FBRSL1: variants seen among roughly 807,000 people sequenced by gnomAD.
FBRSL1 encodes fibrosin-1-like protein.
A neutral mutation model predicts 89.6 loss-of-function variants in FBRSL1; 51 were observed. The observed-to-expected ratio is 0.57, with a 90% CI of 0.45 to 0.72. The LOEUF is 0.72. FBRSL1 is among the 30% of genes least tolerant of loss of function. FBRSL1 has a pLI of 0.00. For synonymous variants in FBRSL1, 779 were observed against 681.1 expected, an observed-to-expected ratio of 1.14 and a Z score of -2.24; for missense variants, 1,618 against 1,451.8, an observed-to-expected ratio of 1.11 and a Z score of -1.86.
At chr12:132,518,108 A>G (rs1263075252) in intron 2 of FBRSL1, among the ~76,000 whole-genome samples, 1 of 152,058 alleles carries the variant, frequency 6.6e-6, no homozygotes, top group Non-Finnish European at 1.5e-5. Context: ...CCTTGCAGAC[A>G]CTTACCTGCA....
chr12:132,574,156 G>A lies in FBRSL1; in HGVS notation c.1597G>A (p.Gly533Arg). The A allele has an allele frequency of 7.0e-7, 1 of 1,419,020 alleles. No homozygotes were observed. Among genetic ancestry groups the A allele is most frequent in the Non-Finnish European group, 9.2e-7 (1 of 1,091,648 alleles). 87.9% of individuals were successfully genotyped at this position (1,419,020 alleles called of 1,614,324 possible). A position where few individuals can be genotyped will look rare whatever the true frequency, so the allele number is the denominator to read the frequency against. The stretch of plus-strand genomic sequence containing the variant: ...TCACACACTCCTGCAGAAAGCGCCT[G>A]GGGTAGGTGTTAGTGGGCGCCCGTC... ...AVHTLLQKAP[G>R]VSDPYRAVVK... The change falls in exon 12 of 19, where the codon GGG becomes AGG. Residue 533 changes from glycine (G) to arginine (R), a missense_variant and splice_region_variant. Transcript: ENST00000680143.
At chr12:132,541,289 G>C (rs1593411847) in intron 4 of FBRSL1, among the ~76,000 whole-genome samples, 1 of 152,180 alleles carries the variant, frequency 6.6e-6, no homozygotes, top group South Asian at 2.1e-4. Context: ...CACTCAGTGG[G>C]CCCCACCCAT....
intron 5 of FBRSL1, among the ~76,000 whole-genome samples, chr12:132,562,130 C>G (rs9738068): frequency 0.21 from 31,943 of 152,188 alleles, 4,265 homozygotes; most frequent in Non-Finnish European, 0.3. Context: ...CACTGCGTAG[C>G]CTGGGTCACC....
chr12:132,558,492 G>A (rs1395646517), intron 5 of FBRSL1, among the ~76,000 whole-genome samples: 1 of 152,250 alleles, frequency 6.6e-6, no homozygotes, highest in African/African-American at 2.4e-5. Context: ...ACGCAAGCGC[G>A]TGCCGTTTTC....
intron 4 of FBRSL1, among the ~76,000 whole-genome samples, chr12:132,543,423 G>A (rs2037428990): frequency 6.6e-6 from 1 of 152,226 alleles, no homozygotes; most frequent in Non-Finnish European, 1.5e-5. Context: ...ACTCTGGGCT[G>A]TGCCCAGCAT....
intron 14 of FBRSL1, among the ~76,000 whole-genome samples, chr12:132,575,633 A>AC (rs781662733): frequency 6.6e-6 from 1 of 151,998 alleles, no homozygotes; most frequent in Non-Finnish European, 1.5e-5. Context: ...GAGTCGGGAG[A>AC]CCTCATCACT....
At chr12:132,491,662 G>T (rs774314687) in intron 1 of FBRSL1, among the ~76,000 whole-genome samples, 5 of 152,232 alleles carry the variant, frequency 3.3e-5, no homozygotes, top group Non-Finnish European at 5.9e-5. Flanking sequence ...TTTTCCAGGG[G>T]CTTGGGAGCC....
intron 2 of FBRSL1, among the ~76,000 whole-genome samples, chr12:132,513,056 C>T (rs991155697): frequency 6.6e-6 from 1 of 152,218 alleles, no homozygotes; most frequent in African/African-American, 2.4e-5. Context: ...TGCCAGGCGT[C>T]GCCCTGGGAA....
intron 5 of FBRSL1, chr12:132,553,806 A>C (rs1021379638): frequency 2.0e-5 from 3 of 152,242 alleles, no homozygotes; most frequent in African/African-American, 7.2e-5. Context: ...CCGTAAACAC[A>C]GTCACTCAAA....
intron 16 of FBRSL1, 90 bp from the exon 17 acceptor site, chr12:132,581,650 GC>G: frequency 1.3e-6 from 2 of 1,490,564 alleles, no homozygotes; most frequent in South Asian, 2.4e-5. Context: ...TACCCACCAG[GC>G]CCAAAGCCTC....
In FBRSL1 at chr12:132,544,269, C is replaced by T. The variant is rs115375929; in HGVS notation, c.616-3734C>T. Among the ~76,000 whole-genome samples, 784 of 152,296 alleles carry T rather than the reference C, an allele frequency of 5.1e-3. 5 individuals are homozygous for T. Among genetic ancestry groups the T allele is most frequent in the African/African-American group, 0.018 (746 of 41,556 alleles). ...TTATTGGATGGTGAGGTCCGACAGA[C>T]TCAGAGGGGCCTTGTAGGCTGGCAG... is the stretch of plus-strand genomic sequence containing the variant. On this transcript the variant is annotated intron_variant, in intron 4 of 18. Transcript: ENST00000680143.
rs1303391938 is a variant in FBRSL1 at position 132,546,439 on chromosome 12, A to T, written c.616-1564A>T. 6.6e-6 allele frequency among the ~76,000 whole-genome samples: 1 copy of T among 151,728 alleles called. No homozygotes were observed. The highest frequency in any genetic ancestry group is 6.6e-5 in the Admixed American group (1 of 15,254). On this transcript the variant is annotated intron_variant, in intron 4 of 18. Coordinates refer to ENST00000680143, the MANE Select transcript of FBRSL1 (RefSeq NM_001367871.1). This position sits in a 1 kb window ranked among gnomAD's most constrained non-coding sequence, Gnocchi z 4.0. ...GCAGGTGGGACTGAGGCCCTTCTCTACCTCTCACCCTGAAGGCCAGACCGG... is the reference window on the plus strand; with the variant it reads ...GCAGGTGGGACTGAGGCCCTTCTCTTCCTCTCACCCTGAAGGCCAGACCGG...
At chr12:132,540,719 AG>A (rs1397216555) in intron 4 of FBRSL1, among the ~76,000 whole-genome samples, 2 of 152,118 alleles carry the variant, frequency 1.3e-5, no homozygotes, top group Non-Finnish European at 2.9e-5. Context: ...ACCAGGCTCC[AG>A]GGCAAGCCCA....
At chr12:132,529,234 G>A (rs1413407869) in intron 4 of FBRSL1, among the ~76,000 whole-genome samples, 1 of 152,212 alleles carries the variant, frequency 6.6e-6, no homozygotes, top group Non-Finnish European at 1.5e-5. Context: ...ATTAAACCAG[G>A]AATGACCCAG....
intron 5 of FBRSL1, chr12:132,566,232 TGG>T: frequency 6.6e-6 from 1 of 152,078 alleles, no homozygotes; most frequent in East Asian, 1.9e-4. Context: ...AGGGGCTAGG[TGG>T]CTCTGGGGCC....
chr12:132,525,872 G>A (rs2035749379), intron 3 of FBRSL1, 49 bp downstream of exon 3: 1 of 1,442,842 alleles, frequency 6.9e-7, no homozygotes. Flanking sequence ...TGGGCCGCCT[G>A]CCCGCTGCGC....
rs997980668 is a variant in FBRSL1 at position 132,582,749 on chromosome 12, G to A, written c.2202-222G>A. Among the ~76,000 whole-genome samples, 20 of 152,234 alleles carry A rather than the reference G, an allele frequency of 1.3e-4. 1 individual carries two copies. The highest frequency in any genetic ancestry group is 4.8e-4 in the African/African-American group (20 of 41,540). The stretch of plus-strand genomic sequence containing the variant: ...TGGGGAGCCGAAGTCGCTGCAGGCG[G>A]CTCATCCCGCTTCCGTCTCCCGGCC... On this transcript the variant is annotated intron_variant, in intron 18 of 18. Coordinates refer to ENST00000680143, the MANE Select transcript of FBRSL1 (RefSeq NM_001367871.1).
intron 2 of FBRSL1, among the ~76,000 whole-genome samples, chr12:132,517,639 A>T (rs753277222): frequency 2.0e-5 from 3 of 152,044 alleles, no homozygotes; most frequent in Non-Finnish European, 4.4e-5. Context: ...CGGTCAGGGA[A>T]GAGCGCTCTG....
intron 11 of FBRSL1, among the ~76,000 whole-genome samples, chr12:132,573,829 C>A (rs1024951284): frequency 1.3e-5 from 2 of 152,182 alleles, no homozygotes; most frequent in Admixed American, 6.5e-5. Context: ...GGGGCTGTCT[C>A]GGCCCTGGTG....
Sources: allele counts gnomAD v4.1 joint callset (sites outside exome capture counted in the v4.1 genomes callset), GRCh38; gene constraint gnomAD v4.1.1; non-coding constraint Gnocchi (gnomAD v3.1); transcripts MANE v1.5; gene names NCBI Gene and HGNC (gene_info 2026-07-23, HGNC 2026-07-21).